The following EFHC1 variants were observed in gnomAD, a reference collection of about 807,000 sequenced individuals.
EFHC1 encodes EF-hand domain containing 1, also known as EF-hand domain-containing protein 1.
Under a neutral mutation model 69.9 loss-of-function variants are expected in EFHC1, and 53 were observed. The ratio of observed to expected loss-of-function variants is 0.76; its 90% CI spans 0.61 to 0.95. The LOEUF is 0.95. EFHC1 is among the 40% of genes least tolerant of loss of function. The probability of loss-of-function intolerance (pLI) is 0.00; values close to 1 mark genes in which losing one functional copy is unlikely to be tolerated. For synonymous variants in EFHC1, 256 were observed against 278.4 expected (o/e 0.92, Z 0.80); for missense variants, 739 against 798.7 (o/e 0.93, Z 0.90).
intron 2 of EFHC1, among the ~76,000 whole-genome samples, chr6:52,433,780 G>A (rs1581815778): frequency 6.6e-6 from 1 of 152,156 alleles, no homozygotes; most frequent in African/African-American, 2.4e-5. Flanking sequence ...AGGGTGGGTA[G>A]GGAAGGACCG....
At chr6:52,454,000 C>G in intron 4 of EFHC1, 95 bp from the exon 5 acceptor site, 1 of 1,601,148 alleles carries the variant, frequency 6.2e-7, no homozygotes, top group Non-Finnish European at 8.5e-7. Context: ...GTCTTTCCAG[C>G]TAGTCTTTCC....
intron 5 of EFHC1, among the ~76,000 whole-genome samples, chr6:52,464,399 T>C (rs1220353614): frequency 6.6e-6 from 1 of 152,196 alleles, no homozygotes; most frequent in South Asian, 2.1e-4. Context: ...CCAAAGAGAA[T>C]ATTTTCTCCA....
At chr6:52,478,478 A>G (rs923725763) in intron 7 of EFHC1, among the ~76,000 whole-genome samples, 2 of 152,336 alleles carry the variant, frequency 1.3e-5, no homozygotes, top group Middle Eastern at 3.4e-3. Context: ...ATCACTTTCA[A>G]TTCTTTGATT....
Position 52,492,611 on chromosome 6 carries a change from T to C in EFHC1, c.*270T>C. 2 of 564,120 alleles carry C rather than the reference T, an allele frequency of 3.5e-6. No individual in the cohort carries two copies. Among genetic ancestry groups the C allele is most frequent in the Non-Finnish European group, 6.7e-6 (2 of 300,108 alleles). 34.9% of individuals were successfully genotyped at this position (564,120 alleles called of 1,614,324 possible). On this transcript the variant is annotated 3_prime_UTR_variant, in exon 11 of 11. Coordinates refer to ENST00000371068, the MANE Select transcript of EFHC1 (RefSeq NM_018100.4). ...GGCCCAAATATTTCCTTTCTTTCTT[T>C]TTAAAAAAATAAATTTTTTTAGAGA... is the stretch of plus-strand genomic sequence containing the variant.
At chr6:52,426,660 TTATCTCTATCCC>T (rs1261068276) in intron 2 of EFHC1, among the ~76,000 whole-genome samples, 4 of 152,212 alleles carry the variant, frequency 2.6e-5, no homozygotes, top group African/African-American at 9.6e-5. Context: ...TGTCTCTAAC[TTATCTCTATCCC>T]TCACCTTTTC....
chr6:52,437,429 T>C (rs1305317314), intron 2 of EFHC1: 2 of 152,238 alleles, frequency 1.3e-5, no homozygotes, highest in African/African-American at 4.8e-5. Flanking sequence ...TTAAAGCAGA[T>C]GTCAGCAAAC....
intron 9 of EFHC1, chr6:52,485,485 A>G (rs551033803): frequency 6.6e-6 from 1 of 152,054 alleles, no homozygotes; most frequent in Non-Finnish European, 1.5e-5. Context: ...ATGGTTTTAG[A>G]TATGGTTTGT....
intron 2 of EFHC1, among the ~76,000 whole-genome samples, chr6:52,431,715 C>T (rs1052444406): frequency 6.6e-6 from 1 of 152,034 alleles, no homozygotes; most frequent in Non-Finnish European, 1.5e-5. Context: ...ATATTAAGTC[C>T]ATTTGTTCCA....
intron 2 of EFHC1, chr6:52,430,252 G>A (rs974959375): frequency 1.3e-5 from 2 of 152,058 alleles, no homozygotes; most frequent in East Asian, 3.8e-4. Context: ...CTGTGCTGAA[G>A]AGGAGTGGAG....
chr6:52,452,898 G>A, intron 4 of EFHC1, 61 bp downstream of exon 4: 1 of 1,611,030 alleles, frequency 6.2e-7, no homozygotes, highest in Middle Eastern at 1.7e-4. Flanking sequence ...ACATTTATTG[G>A]CAAAAGGTTT....
intron 2 of EFHC1, among the ~76,000 whole-genome samples, chr6:52,431,286 G>A (rs917646156): frequency 6.6e-6 from 1 of 151,914 alleles, no homozygotes; most frequent in Non-Finnish European, 1.5e-5. Context: ...CTTGAGGTGT[G>A]GCCTTAGATT....
chr6:52,437,244 C>T (rs67736214), intron 2 of EFHC1, among the ~76,000 whole-genome samples: 1 of 151,978 alleles, frequency 6.6e-6, no homozygotes, highest in South Asian at 2.1e-4. Context: ...TGCAATTAAC[C>T]CTTCATTTTC....
intron 7 of EFHC1, among the ~76,000 whole-genome samples, chr6:52,470,728 T>A (rs993810694): frequency 6.6e-6 from 1 of 152,122 alleles, no homozygotes; most frequent in African/African-American, 2.4e-5. Context: ...CTCCTATGAG[T>A]CTGTAAACTG....
At chr6:52,481,349 C>A in intron 9 of EFHC1, among the ~76,000 whole-genome samples, 1 of 151,968 alleles carries the variant, frequency 6.6e-6, no homozygotes, top group East Asian at 1.9e-4. Context: ...GATTTCAGTT[C>A]TGGATATATC....
chr6:52,480,213 GAA>G (rs1279818181), intron 9 of EFHC1: 7 of 277,284 alleles, frequency 2.5e-5, no homozygotes, highest in Non-Finnish European at 1.4e-5. Context: ...AAAATAATAA[GAA>G]AGAGAAAATT....
At position 52,452,753 on chromosome 6, in the gene EFHC1, T is replaced by C. The variant is rs1249877509; in HGVS notation, c.639T>C (p.Thr213=). 4 of 1,614,098 alleles carry C rather than the reference T, an allele frequency of 2.5e-6. No individual in the cohort carries two copies. The highest frequency in any genetic ancestry group is 2.2e-5 in the East Asian group (1 of 44,894). The change falls in exon 4 of 11, where the codon ACT becomes ACC. Residue 213 remains threonine (T), a synonymous_variant. Transcript: ENST00000371068. The stretch of plus-strand genomic sequence containing the variant: ...AGAAGATGGCTCTTGATCCTTACAC[T>C]GAACTCCGAAAACAGCCTCTTCGTA... ...PPEKMALDPY[T]ELRKQPLRKY...
rs527743250 is a variant in EFHC1 at position 52,477,575 on chromosome 6, A to C, written c.1279-1462A>C. The stretch of plus-strand genomic sequence containing the variant: ...ATCTACAATGAACTCAAACAGATTT[A>C]CAAGAAAAAAATAAACAACCCCATC... On this transcript the variant is annotated intron_variant, in intron 7 of 10. Coordinates refer to ENST00000371068, the MANE Select transcript of EFHC1 (RefSeq NM_018100.4). Among the ~76,000 whole-genome samples, 13 of 152,366 alleles carry C rather than the reference A, an allele frequency of 8.5e-5. No homozygotes were observed. In the East Asian group the frequency reaches 1.2e-3, roughly 14 times the overall value.
At chr6:52,490,637 G>T in intron 10 of EFHC1, 2 of 579,866 alleles carry the variant, frequency 3.4e-6, no homozygotes, top group East Asian at 2.8e-5. Flanking sequence ...GACGATCCAG[G>T]AGGGGTGGCT....
intron 5 of EFHC1, among the ~76,000 whole-genome samples, chr6:52,456,680 A>T (rs1765051931): frequency 6.6e-6 from 1 of 152,170 alleles, no homozygotes; most frequent in Non-Finnish European, 1.5e-5. Context: ...TTGGGAGGCC[A>T]AGGTGGGAGG....
Sources: allele counts gnomAD v4.1 joint callset (sites outside exome capture counted in the v4.1 genomes callset), GRCh38; gene constraint gnomAD v4.1.1; transcripts MANE v1.5; gene names NCBI Gene and HGNC (gene_info 2026-07-23, HGNC 2026-07-21).